The following ZSWIM5 variants were observed in gnomAD, a reference collection of about 807,000 sequenced individuals.
The protein encoded by ZSWIM5 is zinc finger SWIM domain-containing protein 5.
A neutral mutation model predicts 119.6 loss-of-function variants in ZSWIM5; 55 were observed. That is an observed-to-expected ratio of 0.46 (90% CI 0.37 to 0.58). The LOEUF (loss-of-function observed/expected upper bound fraction) is 0.58, where lower values mean the gene tolerates loss of function less well. Among genes scored for constraint, ZSWIM5 ranks in the 20% least tolerant of loss-of-function variants. The pLI, the probability that ZSWIM5 is intolerant of heterozygous loss-of-function variation, is 0.00. For missense variants in ZSWIM5, 1,193 were observed against 1,512.8 expected (o/e 0.79, Z 3.51); for synonymous variants, 537 against 606.9 (o/e 0.88, Z 1.69).
intron 1 of ZSWIM5, among the ~76,000 whole-genome samples, chr1:45,100,128 T>C (rs1043472690): frequency 6.6e-6 from 1 of 152,206 alleles, no homozygotes; most frequent in Admixed American, 6.5e-5. Context: ...GCAGATGACA[T>C]GGGTGTATAT....
At chr1:45,195,739 G>A (rs956082531) in intron 1 of ZSWIM5, among the ~76,000 whole-genome samples, 1 of 152,028 alleles carries the variant, frequency 6.6e-6, no homozygotes, top group Non-Finnish European at 1.5e-5. Context: ...ATAAAGATAG[G>A]TGAAACAATA....
intron 1 of ZSWIM5, among the ~76,000 whole-genome samples, chr1:45,184,215 C>T (rs1474770611): frequency 6.6e-6 from 1 of 152,112 alleles, no homozygotes; most frequent in Non-Finnish European, 1.5e-5. Flanking sequence ...ATGCTAAAAA[C>T]TCTCAATAAA....
At chr1:45,091,563 T>C (rs982107084) in intron 1 of ZSWIM5, among the ~76,000 whole-genome samples, 7 of 150,444 alleles carry the variant, frequency 4.7e-5, no homozygotes, top group African/African-American at 1.7e-4. Flanking sequence ...CTCAGGAGGT[T>C]GAGGTGGGAG....
intron 1 of ZSWIM5, among the ~76,000 whole-genome samples, chr1:45,196,379 A>T (rs1646125668): frequency 7.6e-6 from 1 of 132,166 alleles, no homozygotes; most frequent in Non-Finnish European, 1.6e-5. Flanking sequence ...TGAAGCCCAC[A>T]ATTCCTTTTT....
At position 45,035,684 on chromosome 1, in the gene ZSWIM5, C is replaced by G. The variant is rs772158676; in HGVS notation, c.2291+4G>C. The G allele has an allele frequency of 6.2e-7, 1 of 1,612,638 alleles. No homozygotes were observed. The highest frequency in any genetic ancestry group is 1.3e-5 in the African/African-American group (1 of 74,880). ...GGCAATTGGACTGGGAAAGGGCTAC[C>G]CACCTCATGGCACGTAAGGCTAATT... On this transcript the variant is annotated splice_donor_region_variant and intron_variant, in intron 10 of 13. Transcript: ENST00000359600.
intron 1 of ZSWIM5, among the ~76,000 whole-genome samples, chr1:45,183,597 A>G (rs1030904127): frequency 6.6e-6 from 1 of 152,230 alleles, no homozygotes; most frequent in Non-Finnish European, 1.5e-5. Flanking sequence ...AATACAACCT[A>G]CCATCAGAGA....
rs1645800699 is a variant in ZSWIM5 at position 45,152,149 on chromosome 1, G to A, written c.595+53607C>T. 2.0e-5 allele frequency among the ~76,000 whole-genome samples: 3 copies of A among 152,096 alleles called. No homozygotes were observed. The South Asian group carries it at 6.2e-4, about 31-fold the overall frequency. On this transcript the variant is annotated intron_variant, in intron 1 of 13. Coordinates refer to ENST00000359600, the MANE Select transcript of ZSWIM5 (RefSeq NM_020883.2). ...ACAAAGACCAGTGAGAGGCAAGCAG[G>A]GCCAAGCCATGCTGAACTTGAACAG...
chr1:45,038,844 C>G, intron 8 of ZSWIM5, 92 bp downstream of exon 8: 1 of 1,518,386 alleles, frequency 6.6e-7, no homozygotes, highest in South Asian at 1.2e-5. Context: ...AATCCACCCA[C>G]CTTGGCCTCC....
At chr1:45,032,488 G>T (rs1378216637) in intron 11 of ZSWIM5, among the ~76,000 whole-genome samples, 4 of 133,362 alleles carry the variant, frequency 3.0e-5, no homozygotes, top group African/African-American at 1.1e-4. Context: ...GACAGTTTTT[G>T]TTTTTTTTTT....
chr1:45,197,195 G>C (rs1646131939), intron 1 of ZSWIM5, among the ~76,000 whole-genome samples: 1 of 152,174 alleles, frequency 6.6e-6, no homozygotes, highest in Non-Finnish European at 1.5e-5. Context: ...TTGTTCTCTG[G>C]AATGCACCTT....
intron 1 of ZSWIM5, among the ~76,000 whole-genome samples, chr1:45,195,008 C>G (rs1206895822): frequency 6.6e-6 from 1 of 152,058 alleles, no homozygotes; most frequent in Non-Finnish European, 1.5e-5. Context: ...ATCCTGTAGT[C>G]CCCACTTCCC....
chr1:45,044,012 T>C (rs1645032198), intron 5 of ZSWIM5, among the ~76,000 whole-genome samples: 1 of 151,906 alleles, frequency 6.6e-6, no homozygotes, highest in African/African-American at 2.4e-5. Context: ...AGCAAGACAC[T>C]GTCTCTACAA....
chr1:45,036,388 T>C lies in ZSWIM5; in HGVS notation c.1895-89A>G, dbSNP rs1340878063. On this transcript the variant is annotated intron_variant, in intron 8 of 13. Transcript: ENST00000359600. ...TTTTTTTTTTGAGACAGAGTCTTGC[T>C]CTGTTGTCCAGGCTGGAGTACAGTG... The C allele has an allele frequency of 2.0e-6, 3 of 1,501,188 alleles. No individual in the cohort carries two copies. The African/African-American group carries it at 4.3e-5, about 21-fold the overall frequency. 93.0% of individuals were successfully genotyped at this position (1,501,188 alleles called of 1,614,324 possible).
intron 1 of ZSWIM5, among the ~76,000 whole-genome samples, chr1:45,102,601 G>C (rs189178446): frequency 7.5e-4 from 114 of 152,130 alleles, no homozygotes; most frequent in African/African-American, 2.5e-3. Context: ...TCAGGCACAT[G>C]GTAAGGACTT....
At chr1:45,135,580 A>G (rs2149032322) in intron 1 of ZSWIM5, among the ~76,000 whole-genome samples, 1 of 152,260 alleles carries the variant, frequency 6.6e-6, no homozygotes, top group African/African-American at 2.4e-5. Flanking sequence ...CTCCAATTAT[A>G]CTCTGACATT....
At chr1:45,108,091 T>C (rs1009968020) in intron 1 of ZSWIM5, among the ~76,000 whole-genome samples, 2 of 152,112 alleles carry the variant, frequency 1.3e-5, no homozygotes, top group African/African-American at 4.8e-5. Flanking sequence ...TGAGCCACTG[T>C]GCTGAGTCCA....
At position 45,019,221 on chromosome 1, in the gene ZSWIM5, T is replaced by A; in HGVS notation, c.2791A>T (p.Thr931Ser). The change falls in exon 14 of 14, where the codon ACC becomes TCC. Residue 931 changes from threonine (T) to serine (S), a missense_variant. Thr to Ser is a moderately conservative substitution (Grantham distance 58). Transcript: ENST00000359600. This position sits in a 1 kb window ranked among gnomAD's most constrained non-coding sequence, Gnocchi z 5.0. ...TCAAGACTGAGGCGCAGGATAGTGG[T>A]GTGGGATACGGCTGTGGCAGCTACA... ...SIVAATAVSH[T>S]TILRLSLDYP... 1.9e-6 allele frequency: 3 copies of A among 1,613,576 alleles called. No homozygotes were observed. The highest frequency in any genetic ancestry group is 2.5e-6 in the Non-Finnish European group (3 of 1,180,000).
At chr1:45,147,712 C>T (rs1026268979) in intron 1 of ZSWIM5, among the ~76,000 whole-genome samples, 11 of 151,418 alleles carry the variant, frequency 7.3e-5, no homozygotes, top group African/African-American at 2.4e-4. Context: ...CTTCTTCTTA[C>T]TCTTCCCTTT....
intron 4 of ZSWIM5, among the ~76,000 whole-genome samples, chr1:45,051,806 C>A (rs1256156524): frequency 6.6e-6 from 1 of 152,028 alleles, no homozygotes; most frequent in Non-Finnish European, 1.5e-5. Flanking sequence ...AATTGTAAAA[C>A]TGAGATCATA....
Sources: allele counts gnomAD v4.1 joint callset (sites outside exome capture counted in the v4.1 genomes callset), GRCh38; gene constraint gnomAD v4.1.1; non-coding constraint Gnocchi (gnomAD v3.1); transcripts MANE v1.5; gene names NCBI Gene and HGNC (gene_info 2026-07-23, HGNC 2026-07-21).